The following MARK3 variants were observed in gnomAD, a reference collection of about 807,000 sequenced individuals.
MARK3 encodes the protein microtubule affinity regulating kinase 3.
A neutral mutation model predicts 90.1 loss-of-function variants in MARK3; 46 were observed. The observed-to-expected ratio is 0.51, with a 90% CI of 0.40 to 0.65. The LOEUF is 0.65. Among genes scored for constraint, MARK3 ranks in the 30% least tolerant of loss-of-function variants. The probability of loss-of-function intolerance (pLI) is 0.00; values close to 1 mark genes in which losing one functional copy is unlikely to be tolerated. For missense variants in MARK3, 818 were observed against 947.2 expected (o/e 0.86, Z 1.79); for synonymous variants, 321 against 332.6 (o/e 0.97, Z 0.38).
Position 103,451,903 on chromosome 14 carries a change from TCTC to T in MARK3, c.347-11_347-9del, listed in dbSNP as rs774702526. ...ATTTGTCTCTTTTTCTTCCGTGTCC[TCTC>T]CTCTCCCGCAGTGAAGTTATTCGAA... On this transcript the variant is annotated splice_polypyrimidine_tract_variant and intron_variant, in intron 4 of 17. Coordinates refer to ENST00000429436, the MANE Select transcript of MARK3 (RefSeq NM_001128918.3). The T allele has an allele frequency of 4.4e-6, 7 of 1,598,098 alleles. No individual in the cohort carries two copies. In the African/African-American group the frequency reaches 9.4e-5, roughly 21 times the overall value.
intron 1 of MARK3, among the ~76,000 whole-genome samples, chr14:103,395,360 A>G (rs1268685472): frequency 1.2e-5 from 1 of 80,062 alleles, no homozygotes; most frequent in East Asian, 7.3e-4. Context: ...AAAGAGAATA[A>G]CATCATTCAA....
At chr14:103,391,709 A>ATTTT (rs71126012) in intron 1 of MARK3, among the ~76,000 whole-genome samples, 799 of 69,682 alleles carry the variant, frequency 0.011, 168 homozygotes, top group African/African-American at 0.059. Context: ...ATGCCTGGCT[A>ATTTT]TTTTTTTTTT....
At chr14:103,461,802 T>C (rs541848041) in intron 6 of MARK3, among the ~76,000 whole-genome samples, 70 of 152,184 alleles carry the variant, frequency 4.6e-4, no homozygotes, top group African/African-American at 1.6e-3. Context: ...TTTGGGAGGC[T>C]GAGACTGGCG....
At chr14:103,419,982 T>C (rs966324289) in intron 2 of MARK3, among the ~76,000 whole-genome samples, 1 of 137,420 alleles carries the variant, frequency 7.3e-6, no homozygotes, top group Non-Finnish European at 1.7e-5. Flanking sequence ...AGCGAGATCC[T>C]GTCTCTTAAG....
At chr14:103,493,049 G>A (rs1400462525) in intron 15 of MARK3, among the ~76,000 whole-genome samples, 3 of 152,124 alleles carry the variant, frequency 2.0e-5, no homozygotes, top group Non-Finnish European at 4.4e-5. Context: ...TCCCGAGTCT[G>A]AAATGATCAG....
At chr14:103,432,970 GA>G (rs1249312759) in intron 3 of MARK3, among the ~76,000 whole-genome samples, 7 of 152,146 alleles carry the variant, frequency 4.6e-5, no homozygotes, top group African/African-American at 1.7e-4. Flanking sequence ...ATACCACATA[GA>G]AAAGTAACCG....
chr14:103,440,015 C>CT, intron 3 of MARK3, among the ~76,000 whole-genome samples: 1 of 152,242 alleles, frequency 6.6e-6, no homozygotes, highest in Non-Finnish European at 1.5e-5. Context: ...GAACTCCTGA[C>CT]TTCAAGTGAT....
At chr14:103,431,089 T>C (rs1203838747) in intron 3 of MARK3, among the ~76,000 whole-genome samples, 1 of 151,618 alleles carries the variant, frequency 6.6e-6, no homozygotes, top group African/African-American at 2.4e-5. Context: ...TTCGTTTGTT[T>C]TTGTTTTTGT....
At chr14:103,437,549 A>G (rs1177562002) in intron 3 of MARK3, among the ~76,000 whole-genome samples, 2 of 152,214 alleles carry the variant, frequency 1.3e-5, no homozygotes, top group Non-Finnish European at 2.9e-5. Context: ...CTGCCTTCCA[A>G]GGAGCTGGGA....
chr14:103,460,097 TTTTTTTTG>T (rs1195100807), intron 6 of MARK3, among the ~76,000 whole-genome samples: 76 of 129,024 alleles, frequency 5.9e-4, no homozygotes, highest in Admixed American at 4.0e-4. Flanking sequence ...TTTTTTTTTT[TTTTTTTTG>T]AGACAAATCT....
chr14:103,448,444 G>T (rs1330416007), intron 3 of MARK3, among the ~76,000 whole-genome samples: 1 of 152,044 alleles, frequency 6.6e-6, no homozygotes, highest in Non-Finnish European at 1.5e-5. Context: ...TCTCCAGTGA[G>T]GATTTCTCAA....
At chr14:103,494,756 C>T (rs944402147) in intron 15 of MARK3, among the ~76,000 whole-genome samples, 1 of 151,980 alleles carries the variant, frequency 6.6e-6, no homozygotes, top group Non-Finnish European at 1.5e-5. Flanking sequence ...TGTGCTTCAG[C>T]CTCCCGAGTG....
intron 13 of MARK3, among the ~76,000 whole-genome samples, chr14:103,477,259 A>G (rs1312735321): frequency 6.6e-6 from 1 of 152,188 alleles, no homozygotes; most frequent in East Asian, 1.9e-4. Context: ...TGGGAGGCCA[A>G]AGTGGGCGGA....
chr14:103,428,542 C>T (rs959335459), intron 3 of MARK3, 102 bp downstream of exon 3: 13 of 662,616 alleles, frequency 2.0e-5, no homozygotes, highest in Non-Finnish European at 3.1e-5. Flanking sequence ...ATGTTTAATG[C>T]CATAAAGCTT....
At chr14:103,483,185 C>G (rs1019200097) in intron 14 of MARK3, among the ~76,000 whole-genome samples, 5 of 152,206 alleles carry the variant, frequency 3.3e-5, no homozygotes, top group African/African-American at 1.2e-4. Flanking sequence ...TCTCTTCACC[C>G]ACCCATATAT....
chr14:103,484,451 G>T (rs910698422), intron 14 of MARK3, among the ~76,000 whole-genome samples: 15 of 152,128 alleles, frequency 9.9e-5, no homozygotes, highest in Admixed American at 8.5e-4. Context: ...GTGATTACAG[G>T]CATGAGCCAC....
chr14:103,485,177 C>T (rs1317926095), intron 14 of MARK3, among the ~76,000 whole-genome samples: 2 of 148,944 alleles, frequency 1.3e-5, no homozygotes, highest in Admixed American at 1.3e-4. Flanking sequence ...TTGCGGTGAG[C>T]CAAGATTGCA....
intron 1 of MARK3, 44 bp from the exon 2 acceptor site, chr14:103,405,032 C>T (rs748896019): frequency 2.0e-6 from 3 of 1,524,252 alleles, no homozygotes; most frequent in South Asian, 1.2e-5. Flanking sequence ...GGCAAGTACT[C>T]TGTGTTCTCT....
At chr14:103,495,091 C>G (rs1489722857) in intron 15 of MARK3, among the ~76,000 whole-genome samples, 2 of 152,266 alleles carry the variant, frequency 1.3e-5, no homozygotes, top group East Asian at 3.9e-4. Flanking sequence ...TGTGCACACA[C>G]ACTCATTTAA....
Sources: allele counts gnomAD v4.1 joint callset (sites outside exome capture counted in the v4.1 genomes callset), GRCh38; gene constraint gnomAD v4.1.1; transcripts MANE v1.5; gene names NCBI Gene and HGNC (gene_info 2026-07-23, HGNC 2026-07-21).